The following VXN variants were observed in gnomAD, a reference collection of about 807,000 sequenced individuals.
The protein encoded by VXN is vexin.
VXN carries 7 observed loss-of-function variants against 23.1 expected under a neutral mutation model. The ratio of observed to expected loss-of-function variants is 0.30; its 90% CI spans 0.17 to 0.57. The LOEUF (loss-of-function observed/expected upper bound fraction) is 0.57. Among genes scored for constraint, VXN ranks in the 20% least tolerant of loss-of-function variants. The pLI is 0.91. For synonymous variants in VXN, 120 were observed against 105.8 expected (o/e 1.13, Z -0.83); for missense variants, 238 against 272.6 (o/e 0.87, Z 0.89).
At chr8:66,515,169 G>A (rs2130562127) in intron 5 of VXN, among the ~76,000 whole-genome samples, 1 of 152,312 alleles carries the variant, frequency 6.6e-6, no homozygotes, top group East Asian at 1.9e-4. Flanking sequence ...ATTTCACTGT[G>A]CCATGACAGA....
chr8:66,495,652 G>T (rs1349465411), intron 1 of VXN, among the ~76,000 whole-genome samples: 1 of 152,052 alleles, frequency 6.6e-6, no homozygotes, highest in Non-Finnish European at 1.5e-5. Flanking sequence ...CTTCCTTGTG[G>T]TACAAGAGTA....
intron 2 of VXN, among the ~76,000 whole-genome samples, chr8:66,499,686 G>C (rs1212715545): frequency 6.6e-6 from 1 of 151,776 alleles, no homozygotes; most frequent in African/African-American, 2.4e-5. Flanking sequence ...CTCCCGAGTA[G>C]CTGGGATTAC....
intron 5 of VXN, chr8:66,514,402 C>T (rs1390637320): frequency 6.6e-6 from 1 of 152,282 alleles, no homozygotes; most frequent in Non-Finnish European, 1.5e-5. Context: ...GGGTACCCAT[C>T]TTAGGGGGTT....
intron 2 of VXN, among the ~76,000 whole-genome samples, chr8:66,503,950 G>A (rs1254029080): frequency 6.6e-6 from 1 of 152,226 alleles, no homozygotes; most frequent in African/African-American, 2.4e-5. Context: ...AAGGCTCAGA[G>A]CTGGGCTCTT....
At position 66,493,688 on chromosome 8, in the gene VXN, G is replaced by C. The variant is rs1426165968; in HGVS notation, c.40G>C (p.Glu14Gln). 3 of 1,613,428 alleles carry C rather than the reference G, an allele frequency of 1.9e-6. No individual in the cohort carries two copies. Among genetic ancestry groups the C allele is most frequent in the Admixed American group, 1.7e-5 (1 of 60,006 alleles). The change falls in exon 1 of 6, where the codon GAA becomes CAA. Residue 14 changes from glutamate (E) to glutamine (Q), a missense_variant. Around this residue, in one of 2 missense-constraint regions of VXN, gnomAD observed 15 missense variants for 35.7 expected, o/e 0.42. Transcript: ENST00000305454. ...TTACAGCTGCAGTGACGAGAACATAGAAGTTTTCACCACCGTGATTCCTTC... is the reference window on the plus strand; with the variant it reads ...TTACAGCTGCAGTGACGAGAACATACAAGTTTTCACCACCGTGATTCCTTC... ...QIYSCSDENI[E>Q]VFTTVIPSKV...
chr8:66,501,732 A>G lies in VXN; in HGVS notation c.127-3643A>G, dbSNP rs184177070. 5.1e-4 allele frequency among the ~76,000 whole-genome samples: 77 copies of G among 152,228 alleles called. 1 individual carries two copies. The highest frequency in any genetic ancestry group is 1.2e-3 in the South Asian group (6 of 4,818). On this transcript the variant is annotated intron_variant, in intron 2 of 5. Coordinates refer to ENST00000305454, the MANE Select transcript of VXN (RefSeq NM_152765.4). ...AAACTCAGCCCCAGCCACACAGACC[A>G]TTCAAATTAGAAGAGAGGCAAGGTC... is the stretch of plus-strand genomic sequence containing the variant.
chr8:66,515,812 TG>T, intron 5 of VXN, 80 bp from the exon 6 acceptor site: 1 of 1,243,618 alleles, frequency 8.0e-7, no homozygotes, highest in Non-Finnish European at 1.1e-6. Flanking sequence ...GAGAGAGCTC[TG>T]GCCACTCTTC....
intron 5 of VXN, among the ~76,000 whole-genome samples, chr8:66,515,088 A>T (rs913491856): frequency 6.6e-6 from 1 of 152,228 alleles, no homozygotes; most frequent in Non-Finnish European, 1.5e-5. Flanking sequence ...GATCATATTT[A>T]TTTTACCTTA....
intron 5 of VXN, among the ~76,000 whole-genome samples, chr8:66,514,528 G>A (rs537264300): frequency 3.3e-5 from 5 of 152,150 alleles, no homozygotes; most frequent in South Asian, 2.1e-4. Flanking sequence ...CTCTACCTCC[G>A]GGGTTCAAAC....
intron 1 of VXN, among the ~76,000 whole-genome samples, chr8:66,495,259 T>C (rs749744671): frequency 3.9e-5 from 6 of 152,232 alleles, no homozygotes; most frequent in Non-Finnish European, 7.3e-5. Context: ...GAAGGAAATA[T>C]GAAAATGTTA....
intron 1 of VXN, among the ~76,000 whole-genome samples, chr8:66,494,284 TCTTGA>T (rs1807600892): frequency 6.6e-6 from 1 of 151,768 alleles, no homozygotes; most frequent in South Asian, 2.1e-4. Context: ...GACACGAGAG[TCTTGA>T]CTTTATAAGC....
At chr8:66,509,223 A>G (rs2130554308) in intron 3 of VXN, among the ~76,000 whole-genome samples, 1 of 152,308 alleles carries the variant, frequency 6.6e-6, no homozygotes, top group Admixed American at 6.5e-5. Context: ...ATGCTGTAGT[A>G]CAATCAGATG....
At chr8:66,510,816 AT>A (rs1221967966) in intron 4 of VXN, among the ~76,000 whole-genome samples, 2 of 152,110 alleles carry the variant, frequency 1.3e-5, no homozygotes, top group East Asian at 3.9e-4. Context: ...AAGGGCACTG[AT>A]CTTATCATAG....
At chr8:66,510,430 C>T (rs572735972) in intron 4 of VXN, 1 of 360,770 alleles carries the variant, frequency 2.8e-6, no homozygotes, top group South Asian at 4.0e-5. Flanking sequence ...ACATCTTATA[C>T]ATGGTGAGGG....
At chr8:66,509,033 G>A (rs923362731) in intron 3 of VXN, among the ~76,000 whole-genome samples, 1 of 152,228 alleles carries the variant, frequency 6.6e-6, no homozygotes, top group African/African-American at 2.4e-5. Context: ...AGGATTAAAT[G>A]AGATAATACT....
rs1586514400 is a variant in VXN, at chr8:66,495,972, T to C, written c.71-465T>C. Among the ~76,000 whole-genome samples the C allele has an allele frequency of 2.6e-5, 4 of 152,186 alleles. No homozygotes were observed. In the South Asian group the frequency reaches 8.3e-4, roughly 32 times the overall value. On this transcript the variant is annotated intron_variant, in intron 1 of 5. Coordinates refer to ENST00000305454, the MANE Select transcript of VXN (RefSeq NM_152765.4). ...TCTACTTTTTGTCCTACAAATTTGG[T>C]TTTTTGTCCTTTTGTTTGTTTGTTT...
intron 2 of VXN, among the ~76,000 whole-genome samples, chr8:66,504,542 C>T (rs1017900280): frequency 3.9e-5 from 6 of 152,168 alleles, no homozygotes; most frequent in Non-Finnish European, 8.8e-5. Context: ...CAAGTTTTTA[C>T]ACTTAAATTA....
At chr8:66,509,166 T>C (rs1429829977) in intron 3 of VXN, among the ~76,000 whole-genome samples, 1 of 152,216 alleles carries the variant, frequency 6.6e-6, no homozygotes, top group East Asian at 1.9e-4. Flanking sequence ...AATACTTTAT[T>C]TTATTTGCAT....
At chr8:66,495,548 C>A (rs1465104355) in intron 1 of VXN, among the ~76,000 whole-genome samples, 1 of 152,136 alleles carries the variant, frequency 6.6e-6, no homozygotes, top group African/African-American at 2.4e-5. Flanking sequence ...AAGTGATTTC[C>A]AATTTTATTT....
Sources: gnomAD v4.1 joint callset for allele counts (sites outside exome capture counted in the v4.1 genomes callset) on GRCh38, gnomAD v4.1.1 for gene constraint, gnomAD v4.1.1 regional missense constraint, MANE v1.5 for transcripts, NCBI Gene and HGNC (gene_info 2026-07-23, HGNC 2026-07-21) for gene names.